C10orf67: variants seen among roughly 807,000 people sequenced by gnomAD.
C10orf67 encodes uncharacterized protein C10orf67, mitochondrial.
Under a neutral mutation model 35.6 loss-of-function variants are expected in C10orf67, and 60 were observed. The observed-to-expected ratio is 1.68, with a 90% confidence interval of 1.37 to 2.09. The LOEUF is 2.09. Among genes scored for constraint, C10orf67 ranks in the 30% most tolerant of loss-of-function variants. The pLI, the probability that C10orf67 is intolerant of heterozygous loss-of-function variation, is 0.00. For missense variants in C10orf67, 474 were observed against 330.2 expected (o/e 1.44, Z -3.38); for synonymous variants, 167 against 115.8 (o/e 1.44, Z -2.84).
chr10:23,343,176 T>C (rs1414131243), intron 1 of C10orf67, among the ~76,000 whole-genome samples: 1 of 152,166 alleles, frequency 6.6e-6, no homozygotes, highest in African/African-American at 2.4e-5. Flanking sequence ...TCTGAGTGTG[T>C]CTCCTGAAAA....
intron 4 of C10orf67, among the ~76,000 whole-genome samples, chr10:23,305,126 G>A (rs1564500222): frequency 6.6e-6 from 1 of 152,148 alleles, no homozygotes; most frequent in East Asian, 1.9e-4. Context: ...ACGAACATAA[G>A]GCTATATAGT....
At chr10:23,221,961 T>G (rs903315269) in intron 15 of C10orf67, among the ~76,000 whole-genome samples, 1 of 152,232 alleles carries the variant, frequency 6.6e-6, no homozygotes, top group African/African-American at 2.4e-5. Flanking sequence ...TTCATGGTTA[T>G]GTCCACAGGC....
chr10:23,284,713 AAAC>A (rs1300741648), intron 7 of C10orf67, among the ~76,000 whole-genome samples: 1 of 151,894 alleles, frequency 6.6e-6, no homozygotes, highest in African/African-American at 2.4e-5. Context: ...ACAAACAAAC[AAAC>A]AAACAAAAAA....
chr10:23,234,748 C>T (rs1400366957), intron 13 of C10orf67, among the ~76,000 whole-genome samples: 3 of 151,054 alleles, frequency 2.0e-5, no homozygotes, highest in Non-Finnish European at 2.9e-5. Context: ...GGCACAGTGG[C>T]TCACGCCTGT....
At chr10:23,205,450 AGAAAT>A (rs935491224) in intron 15 of C10orf67, among the ~76,000 whole-genome samples, 7 of 152,364 alleles carry the variant, frequency 4.6e-5, no homozygotes, top group African/African-American at 1.7e-4. Context: ...TTTAATGAAA[AGAAAT>A]GAAATTTCTT....
intron 12 of C10orf67, among the ~76,000 whole-genome samples, chr10:23,245,611 A>G (rs1382725674): frequency 6.6e-6 from 1 of 152,200 alleles, no homozygotes; most frequent in Non-Finnish European, 1.5e-5. Flanking sequence ...ATTGCTCAAT[A>G]TCACTTATCA....
At chr10:23,264,817 C>T (rs1842843458) in intron 10 of C10orf67, among the ~76,000 whole-genome samples, 1 of 152,158 alleles carries the variant, frequency 6.6e-6, no homozygotes, top group African/African-American at 2.4e-5. Flanking sequence ...GTAGTCCTCC[C>T]AGCCATCATC....
intron 4 of C10orf67, chr10:23,318,921 GC>G (rs772498174): frequency 1.3e-6 from 1 of 776,728 alleles, no homozygotes; most frequent in South Asian, 1.4e-5. Flanking sequence ...CACAGTGGCT[GC>G]AGCAAATCCA....
intron 13 of C10orf67, among the ~76,000 whole-genome samples, chr10:23,234,810 T>C (rs1213779370): frequency 2.0e-5 from 3 of 151,542 alleles, no homozygotes; most frequent in Non-Finnish European, 4.4e-5. Flanking sequence ...GTCAAGAGAT[T>C]GAGACCACTC....
intron 10 of C10orf67, among the ~76,000 whole-genome samples, chr10:23,259,227 G>C (rs1355362139): frequency 2.0e-5 from 3 of 152,100 alleles, no homozygotes; most frequent in Non-Finnish European, 4.4e-5. Context: ...ATACAATTTG[G>C]GTCATTCTGT....
chr10:23,268,615 C>T (rs768787631), intron 8 of C10orf67, among the ~76,000 whole-genome samples: 6 of 152,144 alleles, frequency 3.9e-5, no homozygotes, highest in Non-Finnish European at 5.9e-5. Context: ...CTGATGCCCA[C>T]GAAAGGCTAT....
At chr10:23,242,532 A>G (rs1373953793) in intron 12 of C10orf67, among the ~76,000 whole-genome samples, 1 of 152,206 alleles carries the variant, frequency 6.6e-6, no homozygotes, top group African/African-American at 2.4e-5. Context: ...TGTGTGAGTA[A>G]ATATAAATGA....
chr10:23,230,170 T>C (rs1163137947), intron 13 of C10orf67, among the ~76,000 whole-genome samples: 1 of 152,076 alleles, frequency 6.6e-6, no homozygotes, highest in Non-Finnish European at 1.5e-5. Context: ...GACTCATATA[T>C]ATGAGCCCTT....
At chr10:23,234,204 T>C (rs2132126917) in intron 13 of C10orf67, among the ~76,000 whole-genome samples, 2 of 152,214 alleles carry the variant, frequency 1.3e-5, no homozygotes, top group East Asian at 3.9e-4. Context: ...AATTGTTCTA[T>C]CATAAAGACA....
chr10:23,210,513 G>GA (rs1441499477), intron 15 of C10orf67, among the ~76,000 whole-genome samples: 1 of 152,054 alleles, frequency 6.6e-6, no homozygotes, highest in Non-Finnish European at 1.5e-5. Context: ...TCCATCGCCT[G>GA]GGTTCAAGTG....
intron 3 of C10orf67, 124 bp from the exon 4 acceptor site, chr10:23,320,939 G>T: frequency 1.5e-6 from 1 of 650,630 alleles, no homozygotes; most frequent in Non-Finnish European, 2.6e-6. Context: ...GAAAACTTCA[G>T]TTCATAATCA....
At chr10:23,331,208 G>GGGAAGGGA (rs1564518909) in intron 2 of C10orf67, among the ~76,000 whole-genome samples, 1 of 28,920 alleles carries the variant, frequency 3.5e-5, no homozygotes, top group African/African-American at 1.7e-4. Flanking sequence ...GGGAAGGGAA[G>GGGAAGGGA]AGGGAAGGGA....
chr10:23,336,364 T>C (rs1845681952), intron 1 of C10orf67, among the ~76,000 whole-genome samples: 1 of 152,206 alleles, frequency 6.6e-6, no homozygotes, highest in African/African-American at 2.4e-5. Flanking sequence ...TGTGCACATA[T>C]ATATGTGAAC....
At chr10:23,263,914 C>A (rs150613652) in intron 10 of C10orf67, among the ~76,000 whole-genome samples, 98 of 152,258 alleles carry the variant, frequency 6.4e-4, no homozygotes, top group African/African-American at 2.0e-3. Flanking sequence ...ATGTTCATAT[C>A]GTATTTTTCA....
Sources: gnomAD v4.1 joint callset for allele counts (sites outside exome capture counted in the v4.1 genomes callset) on GRCh38, gnomAD v4.1.1 for gene constraint, MANE v1.5 for transcripts, NCBI Gene and HGNC (gene_info 2026-07-23, HGNC 2026-07-21) for gene names.